Variants in MELK observed in about 807,000 individuals in gnomAD.
MELK encodes the protein pEg3 kinase.
Under a neutral mutation model 85.0 loss-of-function variants are expected in MELK, and 81 were observed. That is an observed-to-expected ratio of 0.95 (90% CI 0.80 to 1.15). MELK has a LOEUF of 1.15. Among genes scored for constraint, MELK ranks in the 50% most tolerant of loss-of-function variants. The probability of loss-of-function intolerance (pLI) is 0.00; values close to 1 mark genes in which losing one functional copy is unlikely to be tolerated. For missense variants in MELK, 754 were observed against 777.5 expected, an observed-to-expected ratio of 0.97 and a Z score of 0.36; for synonymous variants, 252 against 265.0, an observed-to-expected ratio of 0.95 and a Z score of 0.48.
chr9:36,665,417 C>T lies in MELK; in HGVS notation c.1244C>T (p.Thr415Ile). The T allele has an allele frequency of 6.2e-7, 1 of 1,613,336 alleles. No individual in the cohort carries two copies. Among genetic ancestry groups the T allele is most frequent in the Non-Finnish European group, 8.5e-7 (1 of 1,179,532 alleles). The part of the protein sequence containing the change: ...SKSLTPALCR[T>I]PANKLKNKEN... ...TCATTAACTCCAGCCTTATGCAGAA[C>T]ACCTGCAAATAAATTAAAGAACAAA... Residue 415 changes from threonine (T) to isoleucine (I), a missense_variant, in exon 14 of 18, where the codon ACA (threonine) becomes ATA (isoleucine). Physicochemically the swap from Thr to Ile is moderately conservative, Grantham distance 89. Transcript: ENST00000298048.
chr9:36,635,136 G>A (rs1237843499), intron 10 of MELK, among the ~76,000 whole-genome samples: 1 of 152,076 alleles, frequency 6.6e-6, no homozygotes, highest in African/African-American at 2.4e-5. Context: ...GGTTTATCAA[G>A]GAAATTCTTA....
At chr9:36,667,785 G>C (rs766164449) in intron 14 of MELK, among the ~76,000 whole-genome samples, 2 of 148,224 alleles carry the variant, frequency 1.3e-5, no homozygotes, top group Non-Finnish European at 1.5e-5. Flanking sequence ...TCTTTTTTTT[G>C]AGACAGAGTT....
chr9:36,599,045 C>T (rs190651089), intron 6 of MELK, among the ~76,000 whole-genome samples: 294 of 152,230 alleles, frequency 1.9e-3, no homozygotes, highest in Admixed American at 4.5e-3. Context: ...CCTGTAATCC[C>T]GGCACTTTGG....
At chr9:36,575,428 A>G (rs1042926121) in intron 1 of MELK, among the ~76,000 whole-genome samples, 5 of 152,210 alleles carry the variant, frequency 3.3e-5, no homozygotes, top group African/African-American at 1.2e-4. Context: ...TTTACAAATC[A>G]AGTATAATCT....
intron 8 of MELK, among the ~76,000 whole-genome samples, chr9:36,609,445 TTC>T (rs1345608593): frequency 2.8e-5 from 4 of 144,584 alleles, no homozygotes; most frequent in African/African-American, 1.0e-4. Context: ...CTCTTTCTTC[TTC>T]TTTTTTTTTT....
At chr9:36,657,946 C>T (rs1362581413) in intron 13 of MELK, among the ~76,000 whole-genome samples, 2 of 152,124 alleles carry the variant, frequency 1.3e-5, no homozygotes, top group East Asian at 1.9e-4. Flanking sequence ...TAGGTAAAGT[C>T]ACCTTTTTTA....
intron 10 of MELK, among the ~76,000 whole-genome samples, chr9:36,640,253 C>G (rs1022929996): frequency 6.6e-6 from 1 of 151,954 alleles, no homozygotes; most frequent in African/African-American, 2.4e-5. Context: ...AGTTCAAGAT[C>G]AAGGCATCAT....
intron 10 of MELK, among the ~76,000 whole-genome samples, chr9:36,638,201 T>G (rs942797045): frequency 2.6e-5 from 4 of 151,978 alleles, no homozygotes; most frequent in Admixed American, 6.6e-5. Context: ...CCCCAAGAGT[T>G]TTTTTTTATT....
intron 16 of MELK, among the ~76,000 whole-genome samples, chr9:36,672,961 C>T (rs962361329): frequency 2.0e-5 from 3 of 152,096 alleles, no homozygotes; most frequent in Non-Finnish European, 4.4e-5. Flanking sequence ...GGAAATTAAC[C>T]TTATTTTTTT....
intron 8 of MELK, among the ~76,000 whole-genome samples, chr9:36,614,870 TCA>T (rs1564162612): frequency 6.8e-6 from 1 of 147,772 alleles, no homozygotes; most frequent in Non-Finnish European, 1.5e-5. Flanking sequence ...ATCCGATTTC[TCA>T]ATCTTTTCCC....
chr9:36,654,699 C>T (rs1831057029), intron 12 of MELK, among the ~76,000 whole-genome samples: 1 of 151,962 alleles, frequency 6.6e-6, no homozygotes, highest in African/African-American at 2.4e-5. Context: ...AATTGATCTG[C>T]TTATATGAGT....
At chr9:36,667,755 C>T (rs10973017) in intron 14 of MELK, among the ~76,000 whole-genome samples, 1 of 151,724 alleles carries the variant, frequency 6.6e-6, no homozygotes, top group African/African-American at 2.4e-5. Context: ...TCTCTTCTCT[C>T]CTCTTCTCTT....
rs748471471 is a variant in MELK, at chr9:36,630,311, G to C, written c.679G>C (p.Asp227His). The change falls in exon 9 of 18, where the codon GAT (aspartate) becomes CAT (histidine). Residue 227 changes from aspartate to histidine, a missense_variant. Transcript: ENST00000298048. ...LYKKIMRGKY[D>H]VPKWLSPSSI... ...TTTGTTTTTGTAGAGAGGAAAATAT[G>C]ATGTTCCCAAGTGGCTCTCTCCCAG... 1 of 1,610,122 alleles carries C rather than the reference G, an allele frequency of 6.2e-7. No individual in the cohort carries two copies. The highest frequency in any genetic ancestry group is 2.2e-5 in the East Asian group (1 of 44,762).
chr9:36,611,751 G>GTTA (rs1406027427), intron 8 of MELK, among the ~76,000 whole-genome samples: 3 of 133,182 alleles, frequency 2.3e-5, no homozygotes, highest in African/African-American at 3.4e-5. Context: ...AATAAATGTA[G>GTTA]CTATTATTAT....
rs190644418 is a variant in MELK at position 36,655,881 on chromosome 9, T to G, written c.1054-1360T>G. 5.0e-3 allele frequency among the ~76,000 whole-genome samples: 763 copies of G among 152,302 alleles called. 4 individuals are homozygous for G. Among genetic ancestry groups the G allele is most frequent in the Non-Finnish European group, 8.3e-3 (562 of 68,030 alleles). On this transcript the variant is annotated intron_variant, in intron 12 of 17. Transcript: ENST00000298048. ...TAGTGGTAGAGACAATATTGTCTGT[T>G]TGAATAGTCTAGGTATGAGAAGATT...
intron 7 of MELK, among the ~76,000 whole-genome samples, chr9:36,603,660 C>T (rs1344627129): frequency 3.3e-5 from 5 of 152,130 alleles, no homozygotes; most frequent in Non-Finnish European, 7.4e-5. Context: ...TCTTGAACTC[C>T]TGGGCCTAAG....
intron 5 of MELK, among the ~76,000 whole-genome samples, chr9:36,595,880 A>G (rs765054309): frequency 7.9e-5 from 12 of 152,054 alleles, no homozygotes; most frequent in Non-Finnish European, 1.3e-4. Flanking sequence ...CAGTGGCGCA[A>G]TCTTGGCTCA....
intron 13 of MELK, among the ~76,000 whole-genome samples, chr9:36,663,756 T>C (rs1832082808): frequency 6.6e-6 from 1 of 152,262 alleles, no homozygotes; most frequent in Non-Finnish European, 1.5e-5. Context: ...TCTGTCTGTC[T>C]ATCTATCTCA....
At chr9:36,642,418 CTTTTTTTTT>C (rs34671966) in intron 10 of MELK, among the ~76,000 whole-genome samples, 5 of 84,774 alleles carry the variant, frequency 5.9e-5, no homozygotes, top group Admixed American at 1.4e-4. Context: ...TACAACAGAA[CTTTTTTTTT>C]TTTTTTTTTT....
Sources: allele counts gnomAD v4.1 joint callset (sites outside exome capture counted in the v4.1 genomes callset), GRCh38; gene constraint gnomAD v4.1.1; transcripts MANE v1.5; gene names NCBI Gene and HGNC (gene_info 2026-07-23, HGNC 2026-07-21).